The following SLC9A2 variants were observed in gnomAD, a reference collection of about 807,000 sequenced individuals.
SLC9A2 encodes the protein sodium/hydrogen exchanger 2.
In SLC9A2, 42 loss-of-function variants were observed where a neutral mutation model predicts 71.7. The observed-to-expected ratio is 0.59, with a 90% CI of 0.46 to 0.76. SLC9A2 has a LOEUF of 0.76. Among genes scored for constraint, SLC9A2 ranks in the 30% least tolerant of loss-of-function variants. The pLI is 0.00. For missense variants in SLC9A2, 829 were observed against 1,017.4 expected, an observed-to-expected ratio of 0.81 and a Z score of 2.52; for synonymous variants, 396 against 392.5, an observed-to-expected ratio of 1.01 and a Z score of -0.10.
chr2:102,620,931 G>GA (rs1240879188), intron 1 of SLC9A2, among the ~76,000 whole-genome samples: 1 of 152,114 alleles, frequency 6.6e-6, no homozygotes, highest in Non-Finnish European at 1.5e-5. Context: ...AGCACTTTGG[G>GA]AGGCTGAGGC....
intron 7 of SLC9A2, among the ~76,000 whole-genome samples, chr2:102,700,834 T>C (rs553113099): frequency 2.0e-4 from 31 of 152,204 alleles, no homozygotes; most frequent in African/African-American, 6.7e-4. Context: ...TATGTATATA[T>C]ACATATGTAT....
chr2:102,638,875 T>G (rs188989136), intron 1 of SLC9A2, among the ~76,000 whole-genome samples: 164 of 152,340 alleles, frequency 1.1e-3, no homozygotes, highest in African/African-American at 3.8e-3. Context: ...TCTGTGCTCT[T>G]TTTTCACTGA....
chr2:102,661,346 C>T lies in SLC9A2; in HGVS notation c.753+3319C>T, dbSNP rs567575773. Among the ~76,000 whole-genome samples, 5 of 152,212 alleles carry T rather than the reference C, an allele frequency of 3.3e-5. No homozygotes were observed. The South Asian group carries it at 6.2e-4, about 19-fold the overall frequency. On this transcript the variant is annotated intron_variant, in intron 2 of 11. Coordinates refer to ENST00000233969, the MANE Select transcript of SLC9A2 (RefSeq NM_003048.6). ...CTGTAGAGAGAAGCCAGTAATGGACCCCAGAGGCCCAGTCACTGTGTGCTG... is the reference window on the plus strand; with the variant it reads ...CTGTAGAGAGAAGCCAGTAATGGACTCCAGAGGCCCAGTCACTGTGTGCTG...
At chr2:102,685,061 T>C (rs1285302588) in intron 5 of SLC9A2, among the ~76,000 whole-genome samples, 4 of 152,122 alleles carry the variant, frequency 2.6e-5, no homozygotes, top group South Asian at 2.1e-4. Flanking sequence ...GAGTCAAGCA[T>C]GGTAAGGGTA....
At chr2:102,696,877 G>A (rs998669135) in intron 7 of SLC9A2, among the ~76,000 whole-genome samples, 9 of 152,150 alleles carry the variant, frequency 5.9e-5, no homozygotes, top group Non-Finnish European at 1.3e-4. Flanking sequence ...CTCAGGGGAA[G>A]TATTCCCTTT....
At chr2:102,631,394 T>C (rs997618943) in intron 1 of SLC9A2, among the ~76,000 whole-genome samples, 8 of 152,034 alleles carry the variant, frequency 5.3e-5, no homozygotes, top group Admixed American at 4.6e-4. Flanking sequence ...TGAAGTCAAA[T>C]GTCTCATCCT....
chr2:102,619,736 C>A lies in SLC9A2; in HGVS notation c.-113C>A. The A allele has an allele frequency of 2.4e-5, 23 of 973,572 alleles. No individual in the cohort carries two copies. Among genetic ancestry groups the A allele is most frequent in the Non-Finnish European group, 3.1e-5 (22 of 717,722 alleles). The allele number at this position is 973,572 out of a possible 1,614,324, so 60.3% of individuals were successfully genotyped here. A position where few individuals can be genotyped will look rare whatever the true frequency, so the allele number is the denominator to read the frequency against. ...TGCCGCAGCAGCGGCGGGTGGCTGT[C>A]GCTGCCCTGCCCTGCACGGGGCAGG... On this transcript the variant is annotated 5_prime_UTR_variant, in exon 1 of 12. Coordinates refer to ENST00000233969, the MANE Select transcript of SLC9A2 (RefSeq NM_003048.6). The surrounding 1 kb of genome is among the most constrained non-coding windows in gnomAD (Gnocchi z 4.3).
In SLC9A2 at chr2:102,679,614, G is replaced by A. The variant is rs545103163; in HGVS notation, c.1005-3647G>A. Among the ~76,000 whole-genome samples the A allele has an allele frequency of 1.0e-3, 152 of 152,138 alleles. 1 individual carries two copies. The highest frequency in any genetic ancestry group is 3.2e-3 in the African/African-American group (133 of 41,510). On this transcript the variant is annotated intron_variant, in intron 3 of 11. Coordinates refer to ENST00000233969, the MANE Select transcript of SLC9A2 (RefSeq NM_003048.6). ...AGGATGGTCTTGATCTCCCCACCTCGTGATCCGCCCACCTCGGCCTCCCAA... is the reference window on the plus strand; with the variant it reads ...AGGATGGTCTTGATCTCCCCACCTCATGATCCGCCCACCTCGGCCTCCCAA...
intron 3 of SLC9A2, among the ~76,000 whole-genome samples, chr2:102,667,717 A>T (rs1429092672): frequency 6.6e-6 from 1 of 152,166 alleles, no homozygotes; most frequent in Non-Finnish European, 1.5e-5. Flanking sequence ...TTCCAACTTC[A>T]AAGTGAAGAT....
chr2:102,638,205 A>C (rs932065212), intron 1 of SLC9A2, among the ~76,000 whole-genome samples: 2 of 152,074 alleles, frequency 1.3e-5, no homozygotes, highest in Admixed American at 6.5e-5. Context: ...TTCATGTTAC[A>C]TGAAATTTTG....
intron 1 of SLC9A2, among the ~76,000 whole-genome samples, chr2:102,625,368 C>T (rs962974555): frequency 9.9e-5 from 15 of 152,042 alleles, no homozygotes; most frequent in African/African-American, 3.1e-4. Context: ...ATGTGCACAA[C>T]GTGCAGGTTT....
intron 1 of SLC9A2, among the ~76,000 whole-genome samples, chr2:102,632,167 CAT>C (rs1170482060): frequency 1.1e-4 from 9 of 85,072 alleles, no homozygotes; most frequent in East Asian, 5.2e-4. Context: ...CATATATACA[CAT>C]ATATATACAT....
intron 3 of SLC9A2, among the ~76,000 whole-genome samples, chr2:102,666,520 G>T (rs1677146146): frequency 1.3e-5 from 2 of 152,120 alleles, no homozygotes; most frequent in Admixed American, 1.3e-4. Context: ...AAACAAAGAT[G>T]CAGGATTATA....
intron 2 of SLC9A2, among the ~76,000 whole-genome samples, chr2:102,661,773 T>C (rs967470456): frequency 2.6e-5 from 4 of 152,210 alleles, no homozygotes; most frequent in African/African-American, 9.6e-5. Flanking sequence ...ACTGACATTT[T>C]AATCTAAGGA....
chr2:102,675,851 T>C (rs1439640669), intron 3 of SLC9A2, among the ~76,000 whole-genome samples: 1 of 152,244 alleles, frequency 6.6e-6, no homozygotes, highest in Non-Finnish European at 1.5e-5. Flanking sequence ...TCATTTCTCC[T>C]TCCTCTTTGC....
At position 102,631,992 on chromosome 2, in the gene SLC9A2, G is replaced by A. The variant is rs1161958786; in HGVS notation, c.289+11855G>A. On this transcript the variant is annotated intron_variant, in intron 1 of 11. Transcript: ENST00000233969. ...GTTCTTCCATTTAATTAATGAAAGT[G>A]GGGATATATATATATATATATATAT... Among the ~76,000 whole-genome samples, 50 of 85,732 alleles carry A rather than the reference G, an allele frequency of 5.8e-4. 1 individual carries two copies. The highest frequency in any genetic ancestry group is 3.3e-3 in the African/African-American group (49 of 15,054). 56.2% of individuals were successfully genotyped at this position (85,732 alleles called of 152,430 possible). A position where few individuals can be genotyped will look rare whatever the true frequency, so the allele number is the denominator to read the frequency against.
chr2:102,641,898 G>GT (rs1286306348), intron 1 of SLC9A2, among the ~76,000 whole-genome samples: 2 of 151,412 alleles, frequency 1.3e-5, no homozygotes, highest in African/African-American at 4.9e-5. Flanking sequence ...GGGCCTGTCG[G>GT]GGGGTGGGGG....
rs1678083466 is a variant in SLC9A2 at position 102,710,428 on chromosome 2, T to G, written c.*1939T>G. ...AATAAATTTCCTAATTTTTCCCAGT[T>G]TCCTATGTTTATAACTATTATAAAG... On this transcript the variant is annotated 3_prime_UTR_variant, in exon 12 of 12. Coordinates refer to ENST00000233969, the MANE Select transcript of SLC9A2 (RefSeq NM_003048.6). The G allele has an allele frequency of 6.7e-6, 1 of 148,188 alleles. No individual in the cohort carries two copies. Among genetic ancestry groups the G allele is most frequent in the South Asian group, 2.1e-4 (1 of 4,788 alleles). The allele number at this position is 148,188 out of a possible 1,614,324, so 9.2% of individuals were successfully genotyped here.
rs1488319369 is a variant in SLC9A2 at position 102,702,468 on chromosome 2, T to G, written c.1811T>G (p.Leu604Arg). ...AGTGAAACTGATGAAATTCGAGAACTCTTATCAAGAAATCTCTATCAAATC... is the reference window on the plus strand; with the variant it reads ...AGTGAAACTGATGAAATTCGAGAACGCTTATCAAGAAATCTCTATCAAATC... ...TSSETDEIRE[L>R]LSRNLYQIRQ... Residue 604 changes from leucine to arginine, a missense_variant, in exon 9 of 12, where the codon CTC becomes CGC. By Grantham distance (102) the Leu-to-Arg change is moderately radical. Coordinates refer to ENST00000233969, the MANE Select transcript of SLC9A2 (RefSeq NM_003048.6). 2.5e-6 allele frequency: 4 copies of G among 1,601,236 alleles called. No individual in the cohort carries two copies. The highest frequency in any genetic ancestry group is 3.4e-6 in the Non-Finnish European group (4 of 1,173,904).
Sources: allele counts gnomAD v4.1 joint callset (sites outside exome capture counted in the v4.1 genomes callset), GRCh38; gene constraint gnomAD v4.1.1; non-coding constraint Gnocchi (gnomAD v3.1); transcripts MANE v1.5; gene names NCBI Gene and HGNC (gene_info 2026-07-23, HGNC 2026-07-21).